Variants in HOGA1 observed in about 807,000 individuals in gnomAD.
HOGA1 encodes the protein 4-hydroxy-2-oxoglutarate aldolase, mitochondrial.
A neutral mutation model predicts 34.3 loss-of-function variants in HOGA1; 30 were observed. The ratio of observed to expected loss-of-function variants is 0.87; its 90% CI spans 0.65 to 1.19. The LOEUF is 1.19. Ranked by LOEUF, HOGA1 falls within the 50% of genes most tolerant of loss-of-function variation. HOGA1 has a pLI of 0.00. For synonymous variants in HOGA1, 161 were observed against 174.0 expected, an observed-to-expected ratio of 0.93 and a Z score of 0.59; for missense variants, 417 against 436.5, an observed-to-expected ratio of 0.96 and a Z score of 0.40.
Position 97,603,781 on chromosome 10 carries a change from C to T in HOGA1, c.834+1791C>T, listed in dbSNP as rs552421857. 5.9e-5 allele frequency among the ~76,000 whole-genome samples: 9 copies of T among 151,900 alleles called. No homozygotes were observed. The highest frequency in any genetic ancestry group is 3.9e-4 in the East Asian group (2 of 5,142). ...TTCACCATGTTGGCCAGGCTGGCCT[C>T]GAACTCCTGACCTCATGATCCACCC... is the stretch of plus-strand genomic sequence containing the variant. On this transcript the variant is annotated intron_variant, in intron 6 of 6. Coordinates refer to ENST00000370646, the MANE Select transcript of HOGA1 (RefSeq NM_138413.4). This position sits in a 1 kb window ranked among gnomAD's most constrained non-coding sequence, Gnocchi z 4.5.
At chr10:97,604,681 G>A (rs1016026538) in intron 6 of HOGA1, among the ~76,000 whole-genome samples, 2 of 151,654 alleles carry the variant, frequency 1.3e-5, no homozygotes, top group South Asian at 4.2e-4. Context: ...TCAGTTTTTG[G>A]CTATTAAAAG....
rs1351195299 is a variant in HOGA1 at position 97,603,646 on chromosome 10, C to A, written c.834+1656C>A. 2.0e-5 allele frequency among the ~76,000 whole-genome samples: 3 copies of A among 151,954 alleles called. No homozygotes were observed. The highest frequency in any genetic ancestry group is 4.4e-5 in the Non-Finnish European group (3 of 68,004). ...TGGCACAATATTGGCTCACTGCAACCTCTGCCCCCGGGTTCAAGCAATTCT... is the reference window on the plus strand; with the variant it reads ...TGGCACAATATTGGCTCACTGCAACATCTGCCCCCGGGTTCAAGCAATTCT... On this transcript the variant is annotated intron_variant, in intron 6 of 6. Transcript: ENST00000370646. This position sits in a 1 kb window ranked among gnomAD's most constrained non-coding sequence, Gnocchi z 4.5.
intron 1 of HOGA1, among the ~76,000 whole-genome samples, chr10:97,595,168 G>A (rs2041059133): frequency 6.6e-6 from 1 of 152,188 alleles, no homozygotes; most frequent in South Asian, 2.1e-4. Context: ...GGGCAGGGGA[G>A]AGTATCTTCC....
At chr10:97,608,235 C>T (rs1337869264) in intron 6 of HOGA1, among the ~76,000 whole-genome samples, 5 of 152,098 alleles carry the variant, frequency 3.3e-5, no homozygotes, top group African/African-American at 4.8e-5. Flanking sequence ...TGCTTGAGCC[C>T]GTGAGGTCGA....
In HOGA1 at chr10:97,590,720, C is replaced by A. The variant is rs924410684; in HGVS notation, c.211+5806C>A. The A allele has an allele frequency of 4.2e-5, 30 of 717,548 alleles. No individual in the cohort carries two copies. In the Admixed American group the frequency reaches 7.2e-4, roughly 17 times the overall value. The allele number at this position is 717,548 out of a possible 1,614,324, so 44.4% of individuals were successfully genotyped here. A position where few individuals can be genotyped will look rare whatever the true frequency, so the allele number is the denominator to read the frequency against. On this transcript the variant is annotated intron_variant, in intron 1 of 6. Coordinates refer to ENST00000370646, the MANE Select transcript of HOGA1 (RefSeq NM_138413.4). ...GTGCCCAAATCCCTACTTTCTTAGG[C>A]TCCTCACGGGGATTATGGGCTCTTT... is the stretch of plus-strand genomic sequence containing the variant.
In HOGA1 at chr10:97,599,154, G is replaced by A; in HGVS notation, c.406G>A (p.Val136Met). The stretch of plus-strand genomic sequence containing the variant: ...GGTCGGGGCTGACGCGGCCATGGTG[G>A]TGACCCCTTGCTACTATCGTGGCCG... The part of the protein sequence containing the change: ...AQVGADAAMV[V>M]TPCYYRGRMS... Residue 136 changes from valine to methionine, a missense_variant, in exon 3 of 7, where the codon GTG becomes ATG. By Grantham distance (21) the Val-to-Met change is conservative. Transcript: ENST00000370646. 6.2e-7 allele frequency: 1 copy of A among 1,613,918 alleles called. No homozygotes were observed. The highest frequency in any genetic ancestry group is 1.3e-5 in the African/African-American group (1 of 75,048).
intron 1 of HOGA1, among the ~76,000 whole-genome samples, chr10:97,596,008 A>G (rs1265670375): frequency 6.6e-6 from 1 of 152,216 alleles, no homozygotes; most frequent in Non-Finnish European, 1.5e-5. Flanking sequence ...AAACAGTCCT[A>G]TAAGCTAGGA....
At chr10:97,602,028 G>T (rs376540687) in intron 6 of HOGA1, 38 bp downstream of exon 6, 2 of 1,588,572 alleles carry the variant, frequency 1.3e-6, no homozygotes, top group Non-Finnish European at 1.7e-6. Context: ...CTGGCGGGGG[G>T]TGGGCAGTCT....
chr10:97,599,555 G>A, intron 3 of HOGA1, 125 bp from the exon 4 acceptor site: 6 of 1,235,018 alleles, frequency 4.9e-6, no homozygotes, highest in Non-Finnish European at 7.1e-6. Flanking sequence ...ACGTAGCATG[G>A]GAGGGAGGCC....
chr10:97,599,420 C>T (rs1293083389), intron 3 of HOGA1: 4 of 717,592 alleles, frequency 5.6e-6, no homozygotes, highest in Non-Finnish European at 4.7e-6. Context: ...GGAATGATGT[C>T]ATCTGTCTCA....
At position 97,590,317 on chromosome 10, in the gene HOGA1, C is replaced by T. The variant is rs150921567; in HGVS notation, c.211+5403C>T. ...AGGAGATTGACACCCAGGGGCGGCACCTGGCTCACTCCATGCTGCAGCGGG... is the reference window on the plus strand; with the variant it reads ...AGGAGATTGACACCCAGGGGCGGCATCTGGCTCACTCCATGCTGCAGCGGG... On this transcript the variant is annotated intron_variant, in intron 1 of 6. Transcript: ENST00000370646. 1.7e-5 allele frequency: 27 copies of T among 1,613,852 alleles called. No homozygotes were observed. In the African/African-American group the frequency reaches 3.1e-4, roughly 18 times the overall value.
chr10:97,607,156 C>T (rs1354372033), intron 6 of HOGA1, among the ~76,000 whole-genome samples: 1 of 150,308 alleles, frequency 6.7e-6, no homozygotes, highest in Non-Finnish European at 1.5e-5. Context: ...TACTAGGCAT[C>T]TATGGACATC....
intron 5 of HOGA1, 76 bp from the exon 6 acceptor site, chr10:97,601,781 G>A (rs2041118704): frequency 1.9e-6 from 3 of 1,557,210 alleles, no homozygotes; most frequent in East Asian, 4.5e-5. Flanking sequence ...CCAGGCTGAA[G>A]AGGTGCTGGG....
intron 1 of HOGA1, among the ~76,000 whole-genome samples, chr10:97,595,072 C>T (rs1014779005): frequency 2.0e-5 from 3 of 152,200 alleles, no homozygotes; most frequent in African/African-American, 7.2e-5. Context: ...CACAGTAAGT[C>T]ACCATGTTGC....
chr10:97,601,039 C>T (rs1172175482), intron 5 of HOGA1: 3 of 152,382 alleles, frequency 2.0e-5, no homozygotes, highest in African/African-American at 7.2e-5. Context: ...AAAGCACTCA[C>T]CTCTCTGGGC....
chr10:97,604,114 A>C (rs147239248), intron 6 of HOGA1, among the ~76,000 whole-genome samples: 42 of 152,300 alleles, frequency 2.8e-4, no homozygotes, highest in African/African-American at 9.9e-4. Flanking sequence ...AACCTCTAGC[A>C]ACCACACATA....
At chr10:97,600,558 A>G (rs1445497187) in intron 5 of HOGA1, 1 of 311,162 alleles carries the variant, frequency 3.2e-6, no homozygotes, top group East Asian at 8.1e-5. Context: ...CCCAGACCAG[A>G]ATGAATTGTC....
Position 97,600,158 on chromosome 10 carries a change from C to T in HOGA1, c.695C>T (p.Ala232Val). The T allele has an allele frequency of 1.2e-6, 2 of 1,613,466 alleles. No individual in the cohort carries two copies. Among genetic ancestry groups the T allele is most frequent in the Non-Finnish European group, 1.7e-6 (2 of 1,179,476 alleles). Reference protein sequence around the residue: ...GSAGFLMASYALGAVGGVCAL... With the variant: ...GSAGFLMASYVLGAVGGVCAL... Reference sequence around the variant, plus strand: ...GCTGGCTTTCTGATGGCCAGCTATGCCTTGGGTAGGCCGCCCACTGCTCTC... The same window carrying T: ...GCTGGCTTTCTGATGGCCAGCTATGTCTTGGGTAGGCCGCCCACTGCTCTC... The change falls in exon 5 of 7, where the codon GCC becomes GTC. Residue 232 changes from alanine to valine, a missense_variant. By Grantham distance (64) the Ala-to-Val change is moderately conservative. Coordinates refer to ENST00000370646, the MANE Select transcript of HOGA1 (RefSeq NM_138413.4).
chr10:97,590,598 C>T (rs775694660), intron 1 of HOGA1: 4 of 1,598,540 alleles, frequency 2.5e-6, no homozygotes, highest in Admixed American at 1.7e-5. Flanking sequence ...GCCACCTAAC[C>T]ATGGATGGAG....
Sources: gnomAD v4.1 joint callset for allele counts (sites outside exome capture counted in the v4.1 genomes callset) on GRCh38, gnomAD v4.1.1 for gene constraint, Gnocchi (gnomAD v3.1) non-coding constraint, MANE v1.5 for transcripts, NCBI Gene and HGNC (gene_info 2026-07-23, HGNC 2026-07-21) for gene names.